RBMS3: variants seen among roughly 807,000 people sequenced by gnomAD.
RBMS3 encodes RNA binding motif single stranded interacting protein 3, also known as RNA-binding motif, single-stranded-interacting protein 3.
Under a neutral mutation model 66.8 loss-of-function variants are expected in RBMS3, and 27 were observed. That is an observed-to-expected ratio of 0.40 (90% confidence interval 0.30 to 0.56). The LOEUF (loss-of-function observed/expected upper bound fraction) is 0.56, where lower values mean the gene tolerates loss of function less well. RBMS3 is among the 20% of genes least tolerant of loss of function. The pLI is 0.40. For synonymous variants in RBMS3, 188 were observed against 183.0 expected (o/e 1.03, Z -0.22); for missense variants, 513 against 549.5 (o/e 0.93, Z 0.66).
chr3:29,792,486 C>T (rs761940746), intron 6 of RBMS3, among the ~76,000 whole-genome samples: 1 of 152,062 alleles, frequency 6.6e-6, no homozygotes, highest in South Asian at 2.1e-4. Context: ...TATTGTTGTA[C>T]CTTGGGCTGT....
At position 29,417,985 on chromosome 3, in the gene RBMS3, T is replaced by C. The variant is rs376774458; in HGVS notation, c.76-16758T>C. Among the ~76,000 whole-genome samples, 17 of 152,290 alleles carry C rather than the reference T, an allele frequency of 1.1e-4. No individual in the cohort carries two copies. In the East Asian group the frequency reaches 1.7e-3, roughly 16 times the overall value. ...CTAACAGGAAGACCAACCATTGGAA[T>C]TTAAGCTTGTATAATAGGCAAAATT... On this transcript the variant is annotated intron_variant, in intron 1 of 14. Transcript: ENST00000383767.
intron 4 of RBMS3, among the ~76,000 whole-genome samples, chr3:29,668,528 C>T (rs2050861287): frequency 6.6e-6 from 1 of 152,174 alleles, no homozygotes; most frequent in African/African-American, 2.4e-5. Context: ...AAAAATAACA[C>T]TTGCCTTTTT....
Position 29,845,473 on chromosome 3 carries a change from A to ATCTATCAATTGGTTAAAACC in RBMS3, c.638-23385_638-23384insTCTATCAATTGGTTAAAACC, listed in dbSNP as rs1442782692. Reference sequence around the variant, plus strand: ...ATCTATCAATTGGTTAAACCCAATTAAATGCCTACATATGTGTGTTTTTAT... The same window carrying ATCTATCAATTGGTTAAAACC: ...ATCTATCAATTGGTTAAACCCAATTATCTATCAATTGGTTAAAACCAATGCCTACATATGTGTGTTTTTAT... On this transcript the variant is annotated intron_variant, in intron 6 of 14. Coordinates refer to ENST00000383767, the MANE Select transcript of RBMS3 (RefSeq NM_001003793.3). Among the ~76,000 whole-genome samples, 9 of 152,340 alleles carry ATCTATCAATTGGTTAAAACC rather than the reference A, an allele frequency of 5.9e-5. No homozygotes were observed. In the East Asian group the frequency reaches 1.7e-3, roughly 29 times the overall value.
intron 4 of RBMS3, among the ~76,000 whole-genome samples, chr3:29,645,268 C>G (rs969193841): frequency 6.6e-6 from 1 of 152,102 alleles, no homozygotes; most frequent in Non-Finnish European, 1.5e-5. Flanking sequence ...TTGAATTACT[C>G]GAGTGATTGT....
intron 6 of RBMS3, among the ~76,000 whole-genome samples, chr3:29,863,228 G>A (rs71321111): frequency 6.7e-6 from 1 of 149,826 alleles, no homozygotes; most frequent in Non-Finnish European, 1.5e-5. Flanking sequence ...GGGGTGGGGG[G>A]AGAGGGGGAG....
At chr3:29,707,237 T>C (rs978499687) in intron 4 of RBMS3, among the ~76,000 whole-genome samples, 1 of 152,232 alleles carries the variant, frequency 6.6e-6, no homozygotes, top group Non-Finnish European at 1.5e-5. Context: ...ATTATGCCAA[T>C]GCCTATTTAG....
chr3:29,402,810 T>G (rs558361679), intron 1 of RBMS3, among the ~76,000 whole-genome samples: 73 of 152,134 alleles, frequency 4.8e-4, no homozygotes, highest in Middle Eastern at 6.8e-3. Flanking sequence ...CTTTACATCA[T>G]ATAATACTGA....
At chr3:29,633,715 C>G (rs1422931896) in intron 4 of RBMS3, among the ~76,000 whole-genome samples, 3 of 151,952 alleles carry the variant, frequency 2.0e-5, no homozygotes, top group Admixed American at 2.0e-4. Flanking sequence ...TTCCCAGAAA[C>G]AGAGAGAGGA....
At position 29,656,521 on chromosome 3, in the gene RBMS3, A is replaced by T. The variant is rs141838976; in HGVS notation, c.399+69316A>T. Among the ~76,000 whole-genome samples the T allele has an allele frequency of 2.8e-3, 422 of 152,328 alleles. 3 individuals carry two copies. Among genetic ancestry groups the T allele is most frequent in the African/African-American group, 9.6e-3 (400 of 41,576 alleles). ...CACATAAGGATGAAATTACCTAATG[A>T]TGCATGTGTTAGACCAGATCTCTGT... On this transcript the variant is annotated intron_variant, in intron 4 of 14. Transcript: ENST00000383767.
rs914188066 is a variant in RBMS3 at position 29,791,853 on chromosome 3, T to TA, written c.637+28872dup. On this transcript the variant is annotated intron_variant, in intron 6 of 14. Coordinates refer to ENST00000383767, the MANE Select transcript of RBMS3 (RefSeq NM_001003793.3). ...GTATTGCAACTTCATGAGCATAAAA[T>TA]AAAAAAAACTTGAATTGCCACTATC... Among the ~76,000 whole-genome samples, 8 of 152,148 alleles carry TA rather than the reference T, an allele frequency of 5.3e-5. No individual in the cohort carries two copies. The South Asian group carries it at 1.0e-3, about 20-fold the overall frequency.
intron 4 of RBMS3, among the ~76,000 whole-genome samples, chr3:29,737,792 T>A (rs2054447033): frequency 6.6e-6 from 1 of 151,836 alleles, no homozygotes; most frequent in Non-Finnish European, 1.5e-5. Flanking sequence ...CATTAACAGT[T>A]ACTGGTGGTG....
At chr3:29,519,916 A>G (rs1050594045) in intron 3 of RBMS3, among the ~76,000 whole-genome samples, 2 of 152,208 alleles carry the variant, frequency 1.3e-5, no homozygotes, top group African/African-American at 2.4e-5. Context: ...GATAAAATAC[A>G]GATGCTCCAG....
intron 1 of RBMS3, among the ~76,000 whole-genome samples, chr3:29,330,969 C>A (rs2035617567): frequency 6.6e-6 from 1 of 152,102 alleles, no homozygotes; most frequent in Non-Finnish European, 1.5e-5. Context: ...TTCCTGCATG[C>A]TCTAATTGTA....
intron 1 of RBMS3, among the ~76,000 whole-genome samples, chr3:29,364,203 C>A: frequency 6.6e-6 from 1 of 152,126 alleles, no homozygotes; most frequent in Non-Finnish European, 1.5e-5. Flanking sequence ...GAAAACAATT[C>A]TGCAAAACAA....
chr3:29,989,832 G>C (rs573819070), intron 13 of RBMS3, among the ~76,000 whole-genome samples: 1 of 152,058 alleles, frequency 6.6e-6, no homozygotes, highest in Admixed American at 6.6e-5. Flanking sequence ...GCACCTATGC[G>C]ATAAGAAAAT....
intron 3 of RBMS3, among the ~76,000 whole-genome samples, chr3:29,580,690 T>C (rs986656385): frequency 6.7e-6 from 1 of 149,312 alleles, no homozygotes; most frequent in African/African-American, 2.4e-5. Flanking sequence ...AATATAATAA[T>C]AATAATAATA....
chr3:29,410,772 G>A (rs919790665), intron 1 of RBMS3, among the ~76,000 whole-genome samples: 2 of 152,172 alleles, frequency 1.3e-5, no homozygotes, highest in Non-Finnish European at 2.9e-5. Context: ...TTCACTGGGT[G>A]TTTTTCAAAG....
At chr3:29,364,131 G>A (rs1247832227) in intron 1 of RBMS3, among the ~76,000 whole-genome samples, 1 of 151,844 alleles carries the variant, frequency 6.6e-6, no homozygotes, top group Non-Finnish European at 1.5e-5. Flanking sequence ...GAGGGGGAGG[G>A]GCGATTAAAT....
chr3:29,336,540 G>T (rs146251211), intron 1 of RBMS3, among the ~76,000 whole-genome samples: 1 of 151,896 alleles, frequency 6.6e-6, no homozygotes, highest in African/African-American at 2.4e-5. Flanking sequence ...ACTTTATTGC[G>T]GAACGAAAGG....
Sources: gnomAD v4.1 joint callset for allele counts (sites outside exome capture counted in the v4.1 genomes callset) on GRCh38, gnomAD v4.1.1 for gene constraint, MANE v1.5 for transcripts, NCBI Gene and HGNC (gene_info 2026-07-23, HGNC 2026-07-21) for gene names.